The following VIT variants were observed in gnomAD, a reference collection of about 807,000 sequenced individuals.
VIT encodes vitrin.
A neutral mutation model predicts 78.0 loss-of-function variants in VIT; 99 were observed. That is an observed-to-expected ratio of 1.27 (90% CI 1.08 to 1.50). The LOEUF is 1.50. Among genes scored for constraint, VIT ranks in the 40% most tolerant of loss-of-function variants. The probability of loss-of-function intolerance (pLI) is 0.00; values close to 1 mark genes in which losing one functional copy is unlikely to be tolerated. For missense variants in VIT, 1,126 were observed against 875.3 expected (o/e 1.29, Z -3.61); for synonymous variants, 374 against 334.3 (o/e 1.12, Z -1.29).
Position 36,729,438 on chromosome 2 carries a change from CTG to C in VIT, c.66_67del (p.Gly23SerfsTer12). ...TTTCTTCATGTAGTTTTGCTGGTGACTGGAGTACATTCAAACAAAGAAACGGC... is the reference window on the plus strand; with the variant it reads ...TTTCTTCATGTAGTTTTGCTGGTGACGAGTACATTCAAACAAAGAAACGGC... On this transcript the variant is annotated frameshift_variant, in exon 3 of 16. Transcript: ENST00000379242. LOFTEE classifies it high-confidence loss of function. The C allele has an allele frequency of 6.2e-7, 1 of 1,604,830 alleles. No individual in the cohort carries two copies.
intron 3 of VIT, among the ~76,000 whole-genome samples, chr2:36,736,237 T>C (rs879694327): frequency 2.2e-4 from 33 of 152,158 alleles, no homozygotes; most frequent in African/African-American, 7.2e-4. Flanking sequence ...AAATAAAGAT[T>C]GAAGGGCTTA....
Position 36,773,645 on chromosome 2 carries a change from C to T in VIT, c.680-146C>T, listed in dbSNP as rs146124811. ...ACTCGGGAGGCTGAGGTGGGAGAAT[C>T]GCTTGAACCCGGAGGTTGCAGTGAG... On this transcript the variant is annotated intron_variant, in intron 7 of 15. Coordinates refer to ENST00000379242, the MANE Select transcript of VIT (RefSeq NM_053276.4). The T allele has an allele frequency of 3.3e-3, 1,779 of 533,262 alleles. 38 individuals carry two copies. The highest frequency in any genetic ancestry group is 0.029 in the African/African-American group (1,456 of 49,892). 33.0% of individuals were successfully genotyped at this position (533,262 alleles called of 1,614,324 possible). A position where few individuals can be genotyped will look rare whatever the true frequency, so the allele number is the denominator to read the frequency against.
chr2:36,771,572 C>G (rs900930080), intron 7 of VIT, among the ~76,000 whole-genome samples: 1 of 151,114 alleles, frequency 6.6e-6, no homozygotes, highest in Non-Finnish European at 1.5e-5. Context: ...AGATGTTCAG[C>G]TTCACCAGGA....
Position 36,801,295 on chromosome 2 carries a change from C to T in VIT, c.1059-6C>T. ...CTAATTTGTATTTCTTGTTCTGACT[C>T]TTCAGAGACAACCCTGCTACTCACT... On this transcript the variant is annotated splice_polypyrimidine_tract_variant and splice_region_variant and intron_variant, in intron 12 of 15. Transcript: ENST00000379242. 1 of 1,612,432 alleles carries T rather than the reference C, an allele frequency of 6.2e-7. No homozygotes were observed. The highest frequency in any genetic ancestry group is 1.1e-5 in the South Asian group (1 of 91,002).
intron 12 of VIT, among the ~76,000 whole-genome samples, chr2:36,792,052 C>T (rs1406296103): frequency 1.3e-5 from 2 of 152,166 alleles, no homozygotes; most frequent in African/African-American, 4.8e-5. Flanking sequence ...CTGTCTGGGC[C>T]TTGACTTCAC....
At chr2:36,731,624 T>C (rs1299877279) in intron 3 of VIT, among the ~76,000 whole-genome samples, 1 of 151,938 alleles carries the variant, frequency 6.6e-6, no homozygotes, top group Non-Finnish European at 1.5e-5. Context: ...GGGCTATTAT[T>C]ACTATGAAAA....
At chr2:36,755,124 G>T in intron 5 of VIT, 70 bp downstream of exon 5, 1 of 1,473,580 alleles carries the variant, frequency 6.8e-7, no homozygotes, top group Non-Finnish European at 9.0e-7. Flanking sequence ...TCATTGTGCT[G>T]TTGGTTTTTG....
intron 3 of VIT, among the ~76,000 whole-genome samples, chr2:36,737,681 G>A (rs1414401065): frequency 1.3e-5 from 2 of 152,134 alleles, no homozygotes; most frequent in Non-Finnish European, 2.9e-5. Context: ...CATTGTTCTG[G>A]GACTTAGTTA....
At chr2:36,811,356 AC>A (rs1430965225) in intron 15 of VIT, among the ~76,000 whole-genome samples, 3 of 152,200 alleles carry the variant, frequency 2.0e-5, no homozygotes, top group Admixed American at 6.5e-5. Flanking sequence ...TTCTAGATGT[AC>A]GTCTTTTGGG....
At chr2:36,735,460 T>TTCC (rs1667457292) in intron 3 of VIT, among the ~76,000 whole-genome samples, 1 of 152,210 alleles carries the variant, frequency 6.6e-6, no homozygotes, top group Non-Finnish European at 1.5e-5. Context: ...TTACAAAGAT[T>TTCC]TCCTCCCTCT....
chr2:36,800,132 G>C (rs926951425), intron 12 of VIT, among the ~76,000 whole-genome samples: 1 of 151,750 alleles, frequency 6.6e-6, no homozygotes, highest in Non-Finnish European at 1.5e-5. Flanking sequence ...GGATCACGAA[G>C]TCAGGAGTTC....
intron 7 of VIT, among the ~76,000 whole-genome samples, chr2:36,771,728 G>A (rs767376932): frequency 3.2e-4 from 48 of 152,084 alleles, no homozygotes; most frequent in South Asian, 1.0e-3. Flanking sequence ...TTATCAACCC[G>A]GGGTGAGAAC....
chr2:36,774,259 A>C (rs577457065), intron 8 of VIT, among the ~76,000 whole-genome samples: 13,955 of 152,248 alleles, frequency 0.092, 707 homozygotes, highest in Non-Finnish European at 0.11. Flanking sequence ...CACGGGGGAC[A>C]GAAACACATT....
chr2:36,787,111 T>C lies in VIT; in HGVS notation c.911-18T>C. 3.1e-6 allele frequency: 5 copies of C among 1,612,996 alleles called. No homozygotes were observed. Among genetic ancestry groups the C allele is most frequent in the Non-Finnish European group, 3.4e-6 (4 of 1,179,586 alleles). ...GTGAGAGATCATGAGAATAATAGAGTCTTTTTCCGTTCCGCAGACTGCAAA... is the reference window on the plus strand; with the variant it reads ...GTGAGAGATCATGAGAATAATAGAGCCTTTTTCCGTTCCGCAGACTGCAAA... On this transcript the variant is annotated intron_variant, in intron 11 of 15. Coordinates refer to ENST00000379242, the MANE Select transcript of VIT (RefSeq NM_053276.4).
intron 7 of VIT, among the ~76,000 whole-genome samples, chr2:36,771,217 A>AT (rs1669729743): frequency 1.1e-5 from 1 of 89,816 alleles, no homozygotes; most frequent in Non-Finnish European, 2.8e-5. Context: ...CAAATGGCCA[A>AT]TAAAAAAATT....
At chr2:36,723,569 T>G (rs1002669747) in intron 2 of VIT, among the ~76,000 whole-genome samples, 1 of 152,176 alleles carries the variant, frequency 6.6e-6, no homozygotes, top group Non-Finnish European at 1.5e-5. Flanking sequence ...TTAAACATAG[T>G]TTCAAGCTTA....
At position 36,805,494 on chromosome 2, in the gene VIT, A is replaced by G; in HGVS notation, c.1219A>G (p.Ser407Gly). 1 of 1,614,018 alleles carries G rather than the reference A, an allele frequency of 6.2e-7. No individual in the cohort carries two copies. Among genetic ancestry groups the G allele is most frequent in the Non-Finnish European group, 8.5e-7 (1 of 1,179,970 alleles). Residue 407 changes from serine (S) to glycine (G), a missense_variant, in exon 14 of 16, where the codon AGC becomes GGC. Transcript: ENST00000379242. ...NFFSKANGNR[S>G]GAPNVVVVMV... ...CTTTTCCAAAGCCAATGGAAACAGA[A>G]GCGGGGCTCCCAATGTGGTGGTGGT... is the stretch of plus-strand genomic sequence containing the variant.
At chr2:36,740,940 C>T (rs1249956497) in intron 3 of VIT, among the ~76,000 whole-genome samples, 1 of 152,218 alleles carries the variant, frequency 6.6e-6, no homozygotes, top group Non-Finnish European at 1.5e-5. Context: ...CTCGTTTACA[C>T]AACCCCAAAA....
At chr2:36,769,519 A>G (rs1027148269) in intron 7 of VIT, among the ~76,000 whole-genome samples, 3 of 152,230 alleles carry the variant, frequency 2.0e-5, no homozygotes, top group Admixed American at 6.5e-5. Context: ...GGAGCAAGCA[A>G]GCCATGAAGC....
Sources: allele counts gnomAD v4.1 joint callset (sites outside exome capture counted in the v4.1 genomes callset), GRCh38; gene constraint gnomAD v4.1.1; transcripts MANE v1.5; gene names NCBI Gene and HGNC (gene_info 2026-07-23, HGNC 2026-07-21).